The following IL1RAPL1 variants were observed in gnomAD, a reference collection of about 807,000 sequenced individuals.
IL1RAPL1 encodes the protein interleukin-1 receptor accessory protein-like 1.
IL1RAPL1 carries 3 observed loss-of-function variants against 48.4 expected under a neutral mutation model. The ratio of observed to expected loss-of-function variants is 0.06; its 90% CI spans 0.03 to 0.16. IL1RAPL1 has a LOEUF of 0.16. IL1RAPL1 is among the 10% of genes least tolerant of loss of function. IL1RAPL1 has a pLI of 1.00. For missense variants in IL1RAPL1, 349 were observed against 530.6 expected (o/e 0.66, Z 3.36); for synonymous variants, 185 against 187.7 (o/e 0.99, Z 0.12).
In IL1RAPL1 at chrX:28,704,126, T is replaced by C. The variant is rs539139387; in HGVS notation, c.-24-85194T>C. On this transcript the variant is annotated intron_variant, in intron 1 of 10. Coordinates refer to ENST00000378993, the MANE Select transcript of IL1RAPL1 (RefSeq NM_014271.4). ...CCTAGTATCAAATATTCCATACATA[T>C]AGATTCTTGCATGTTTTAACCCTTA... is the stretch of plus-strand genomic sequence containing the variant. 3.6e-5 allele frequency among the ~76,000 whole-genome samples: 4 copies of C among 112,002 alleles called. No individual in the cohort carries two copies. In the South Asian group the frequency reaches 1.1e-3, roughly 31 times the overall value.
In IL1RAPL1 at chrX:29,915,542, T is replaced by C. The variant is rs149441385; in HGVS notation, c.779-1922T>C. Among the ~76,000 whole-genome samples, 6 of 110,967 alleles carry C rather than the reference T, an allele frequency of 5.4e-5. No individual in the cohort carries two copies. In the East Asian group the frequency reaches 1.7e-3, roughly 32 times the overall value. On this transcript the variant is annotated intron_variant, in intron 6 of 10. Transcript: ENST00000378993. Reference sequence around the variant, plus strand: ...CATGCCCTAGTTTAGAAAGATTACATGTAAGTGCATTCTGCTTTTCTCTGT... The same window carrying C: ...CATGCCCTAGTTTAGAAAGATTACACGTAAGTGCATTCTGCTTTTCTCTGT...
Position 29,291,410 on chromosome X carries a change from AT to A in IL1RAPL1, c.362+8201del, listed in dbSNP as rs760876909. ...GGAGAGTAAATATACTTTATTTTTT[AT>A]TTTTTTTATTATACTTTAAGTTCTG... On this transcript the variant is annotated intron_variant, in intron 3 of 10. Transcript: ENST00000378993. Among the ~76,000 whole-genome samples, 83 of 110,463 alleles carry A rather than the reference AT, an allele frequency of 7.5e-4. No homozygotes were observed. In the East Asian group the frequency reaches 0.022, roughly 29 times the overall value.
At chrX:29,344,130 A>G (rs1363212867) in intron 3 of IL1RAPL1, among the ~76,000 whole-genome samples, 1 of 112,233 alleles carries the variant, frequency 8.9e-6, no homozygotes, top group African/African-American at 3.2e-5. Flanking sequence ...GTTGTTTCCA[A>G]ATGCAAGTTG....
intron 1 of IL1RAPL1, among the ~76,000 whole-genome samples, chrX:28,625,762 G>T (rs1027673178): frequency 1.8e-5 from 2 of 110,803 alleles, no homozygotes; most frequent in Non-Finnish European, 3.8e-5. Flanking sequence ...GTGTGTGTGT[G>T]TGTGTGTTTT....
At chrX:28,910,721 G>A (rs1429123616) in intron 2 of IL1RAPL1, among the ~76,000 whole-genome samples, 1 of 108,666 alleles carries the variant, frequency 9.2e-6, no homozygotes, top group East Asian at 2.9e-4. Context: ...GTGCTTATGT[G>A]TAACCCTAAT....
Position 29,361,070 on chromosome X carries a change from A to G in IL1RAPL1, c.363-35188A>G, listed in dbSNP as rs376009255. Among the ~76,000 whole-genome samples, 28 of 111,830 alleles carry G rather than the reference A, an allele frequency of 2.5e-4. No homozygotes were observed. The East Asian group carries it at 2.5e-3, about 10-fold the overall frequency. On this transcript the variant is annotated intron_variant, in intron 3 of 10. Coordinates refer to ENST00000378993, the MANE Select transcript of IL1RAPL1 (RefSeq NM_014271.4). ...GTGTTTTTTCCCAGCTTATGATAAT[A>G]AAAAAATGTCTCTGAGATGAGAAAG...
rs143350081 is a variant in IL1RAPL1 at position 29,886,149 on chromosome X, T to C, written c.779-31315T>C. On this transcript the variant is annotated intron_variant, in intron 6 of 10. Transcript: ENST00000378993. Reference sequence around the variant, plus strand: ...CATCCTCATGATTTAGCTAAGAAAATGTCCAAAACAGTTAAGGTCAGTCGT... The same window carrying C: ...CATCCTCATGATTTAGCTAAGAAAACGTCCAAAACAGTTAAGGTCAGTCGT... 5.2e-3 allele frequency among the ~76,000 whole-genome samples: 583 copies of C among 111,909 alleles called. 2 individuals are homozygous for C. The highest frequency in any genetic ancestry group is 0.018 in the African/African-American group (567 of 30,847).
chrX:28,950,528 G>A (rs1187067528), intron 2 of IL1RAPL1, among the ~76,000 whole-genome samples: 2 of 89,656 alleles, frequency 2.2e-5, no homozygotes, highest in African/African-American at 8.3e-5. Context: ...AATTACCTTG[G>A]GCAGTATGGC....
At chrX:29,924,249 T>G (rs1479349818) in intron 8 of IL1RAPL1, among the ~76,000 whole-genome samples, 1 of 112,266 alleles carries the variant, frequency 8.9e-6, no homozygotes, top group East Asian at 2.8e-4. Context: ...TAATGAAGGA[T>G]GCAGCAATTG....
intron 5 of IL1RAPL1, among the ~76,000 whole-genome samples, chrX:29,509,897 A>G (rs1328145664): frequency 2.7e-5 from 3 of 112,338 alleles, no homozygotes; most frequent in East Asian, 2.8e-4. Context: ...TTGACAGTCA[A>G]TCATCATTTA....
At chrX:28,744,633 T>C (rs1935951716) in intron 1 of IL1RAPL1, among the ~76,000 whole-genome samples, 1 of 111,994 alleles carries the variant, frequency 8.9e-6, no homozygotes, top group South Asian at 3.7e-4. Context: ...CAATGATTCA[T>C]AGAGAACTAT....
chrX:29,723,343 G>A (rs1436845552), intron 6 of IL1RAPL1, among the ~76,000 whole-genome samples: 1 of 112,165 alleles, frequency 8.9e-6, no homozygotes, highest in Non-Finnish European at 1.9e-5. Context: ...GTGCCTCCCG[G>A]GCTCAAGTGA....
chrX:28,755,358 G>A (rs927268868), intron 1 of IL1RAPL1, among the ~76,000 whole-genome samples: 1 of 112,284 alleles, frequency 8.9e-6, no homozygotes, highest in Non-Finnish European at 1.9e-5. Flanking sequence ...ATAACCACTA[G>A]CCACATGTGG....
At chrX:29,583,450 A>G (rs1157922676) in intron 5 of IL1RAPL1, among the ~76,000 whole-genome samples, 20 of 23,608 alleles carry the variant, frequency 8.5e-4, no homozygotes, top group African/African-American at 3.7e-3. Context: ...CCAAATCATG[A>G]GTGAACTCCC....
At chrX:28,770,894 C>A (rs1008343916) in intron 1 of IL1RAPL1, among the ~76,000 whole-genome samples, 1 of 112,003 alleles carries the variant, frequency 8.9e-6, no homozygotes, top group Admixed American at 9.5e-5. Context: ...TGGAAGTATT[C>A]AGTGAAATGA....
intron 1 of IL1RAPL1, among the ~76,000 whole-genome samples, chrX:28,754,885 A>G (rs182985816): frequency 8.9e-6 from 1 of 112,654 alleles, no homozygotes; most frequent in East Asian, 2.8e-4. Context: ...CTACATATAT[A>G]AATGTGATAG....
At chrX:29,329,237 T>C (rs1222527290) in intron 3 of IL1RAPL1, among the ~76,000 whole-genome samples, 1 of 111,537 alleles carries the variant, frequency 9.0e-6, no homozygotes, top group Non-Finnish European at 1.9e-5. Flanking sequence ...TGTCCGTCTA[T>C]ATCCTGAATT....
At chrX:29,196,336 T>A in intron 2 of IL1RAPL1, among the ~76,000 whole-genome samples, 1 of 112,229 alleles carries the variant, frequency 8.9e-6, no homozygotes. Context: ...GTATGTCCTT[T>A]GGGAAACTAA....
At chrX:28,728,358 T>A in intron 1 of IL1RAPL1, among the ~76,000 whole-genome samples, 1 of 111,886 alleles carries the variant, frequency 8.9e-6, no homozygotes, top group Non-Finnish European at 1.9e-5. Context: ...TCTTATACAT[T>A]TGTTCTGGCA....
Sources: allele counts gnomAD v4.1 joint callset (sites outside exome capture counted in the v4.1 genomes callset), GRCh38; gene constraint gnomAD v4.1.1; transcripts MANE v1.5; gene names NCBI Gene and HGNC (gene_info 2026-07-23, HGNC 2026-07-21).